The following ARHGEF10L variants were observed in gnomAD, a reference collection of about 807,000 sequenced individuals.
ARHGEF10L encodes Rho guanine nucleotide exchange factor 10 like.
A neutral mutation model predicts 141.2 loss-of-function variants in ARHGEF10L; 69 were observed. The ratio of observed to expected loss-of-function variants is 0.49; its 90% confidence interval spans 0.40 to 0.60. The LOEUF (loss-of-function observed/expected upper bound fraction) is 0.60, where lower values mean the gene tolerates loss of function less well. ARHGEF10L is among the 20% of genes least tolerant of loss of function. The pLI is 0.00. For synonymous variants in ARHGEF10L, 711 were observed against 718.5 expected, an observed-to-expected ratio of 0.99 and a Z score of 0.17; for missense variants, 1,482 against 1,734.3, an observed-to-expected ratio of 0.85 and a Z score of 2.58.
chr1:17,522,875 A>G, the ARHGEF10L span, among the ~76,000 whole-genome samples: 7 of 152,064 alleles, frequency 4.6e-5, no homozygotes, highest in Admixed American at 4.6e-4. Flanking sequence ...AGAGATTCTT[A>G]AGTTGATCCC....
intron 26 of ARHGEF10L, among the ~76,000 whole-genome samples, chr1:17,685,356 G>A (rs1290125701): frequency 3.9e-5 from 6 of 152,142 alleles, no homozygotes; most frequent in Non-Finnish European, 7.3e-5. Flanking sequence ...TCCCATTGCT[G>A]TGCCCCCCAC....
At chr1:17,665,167 C>T (rs2062894182) in intron 26 of ARHGEF10L, among the ~76,000 whole-genome samples, 1 of 152,226 alleles carries the variant, frequency 6.6e-6, no homozygotes, top group Admixed American at 6.5e-5. Context: ...GGGCGGGAGA[C>T]TCAGCATGGT....
intron 21 of ARHGEF10L, 97 bp downstream of exon 21, chr1:17,640,399 C>CG (rs1254876945): frequency 3.8e-6 from 4 of 1,048,864 alleles, no homozygotes; most frequent in East Asian, 5.6e-5. Flanking sequence ...TCGGGGTCAG[C>CG]GGGGGGCAGG....
At chr1:17,523,595 C>T in the ARHGEF10L span, among the ~76,000 whole-genome samples, 1 of 152,316 alleles carries the variant, frequency 6.6e-6, no homozygotes, top group Non-Finnish European at 1.5e-5. Context: ...TGAAAGCGCA[C>T]TTCACCCAAA....
intron 21 of ARHGEF10L, 107 bp from the exon 22 acceptor site, chr1:17,648,447 A>G (rs1200193104): frequency 1.4e-6 from 2 of 1,425,560 alleles, no homozygotes; most frequent in South Asian, 1.3e-5. Context: ...GGATGGGGCC[A>G]GGCTTCTGGG....
At chr1:17,520,261 G>A in the ARHGEF10L span, among the ~76,000 whole-genome samples, 870 of 152,214 alleles carry the variant, frequency 5.7e-3, 6 homozygotes, top group Non-Finnish European at 7.9e-3. Context: ...GCCCTTGCCC[G>A]CCCAGCAGGT....
intron 1 of ARHGEF10L, among the ~76,000 whole-genome samples, chr1:17,576,619 T>C (rs985682045): frequency 6.6e-6 from 1 of 152,110 alleles, no homozygotes; most frequent in African/African-American, 2.4e-5. Context: ...AAGCATAGCC[T>C]GGATAGGGTC....
At chr1:17,592,013 A>C (rs2079584469) in intron 4 of ARHGEF10L, among the ~76,000 whole-genome samples, 1 of 152,202 alleles carries the variant, frequency 6.6e-6, no homozygotes, top group Admixed American at 6.5e-5. Flanking sequence ...CTGCCCTCAA[A>C]GCTGTCTACT....
chr1:17,531,565 G>A, the ARHGEF10L span, among the ~76,000 whole-genome samples: 5 of 152,312 alleles, frequency 3.3e-5, no homozygotes, highest in South Asian at 6.2e-4. Context: ...TATTCATAAA[G>A]CAGGATAGAG....
At chr1:17,609,262 G>A (rs2059419157) in intron 7 of ARHGEF10L, among the ~76,000 whole-genome samples, 1 of 152,208 alleles carries the variant, frequency 6.6e-6, no homozygotes, top group African/African-American at 2.4e-5. Flanking sequence ...GAGTCCTCAG[G>A]CAGCCATTCC....
intron 1 of ARHGEF10L, among the ~76,000 whole-genome samples, chr1:17,565,135 C>G (rs1298435513): frequency 2.6e-5 from 4 of 152,194 alleles, no homozygotes; most frequent in Non-Finnish European, 5.9e-5. Flanking sequence ...ATAGATGGTA[C>G]CTTCTCACTG....
intron 4 of ARHGEF10L, among the ~76,000 whole-genome samples, chr1:17,598,557 C>T (rs537485366): frequency 1.1e-4 from 16 of 152,126 alleles, no homozygotes; most frequent in Non-Finnish European, 1.6e-4. Context: ...TCTCTAGGGC[C>T]TCTTTTATAT....
chr1:17,518,531 C>G, the ARHGEF10L span, among the ~76,000 whole-genome samples: 5 of 152,158 alleles, frequency 3.3e-5, no homozygotes, highest in African/African-American at 1.2e-4. Context: ...GTGGCTCAAG[C>G]CTATAATCCC....
chr1:17,580,852 C>G (rs2078482985), intron 2 of ARHGEF10L, among the ~76,000 whole-genome samples: 1 of 152,148 alleles, frequency 6.6e-6, no homozygotes, highest in Non-Finnish European at 1.5e-5. Flanking sequence ...AGGGTCAATC[C>G]TTTTCCTGTC....
At chr1:17,524,354 AC>A in the ARHGEF10L span, among the ~76,000 whole-genome samples, 4 of 132,658 alleles carry the variant, frequency 3.0e-5, no homozygotes, top group Non-Finnish European at 6.4e-5. Context: ...ACATAATAAA[AC>A]CCCGTCTCTA....
At position 17,619,117 on chromosome 1, in the gene ARHGEF10L, G is replaced by A; in HGVS notation, c.836-222G>A. On this transcript the variant is annotated intron_variant, in intron 9 of 28. Transcript: ENST00000361221. This position sits in a 1 kb window ranked among gnomAD's most constrained non-coding sequence, Gnocchi z 5.0. ...TGCCTGTTCACCCTCTCGCTCACTT[G>A]CTCACAATTATTCACTGATGGAATG... Among the ~76,000 whole-genome samples the A allele has an allele frequency of 6.6e-6, 1 of 152,066 alleles. No individual in the cohort carries two copies. Among genetic ancestry groups the A allele is most frequent in the Middle Eastern group, 3.2e-3 (1 of 316 alleles).
intron 1 of ARHGEF10L, among the ~76,000 whole-genome samples, chr1:17,568,418 C>T (rs2257032): frequency 0.095 from 14,424 of 152,090 alleles, 746 homozygotes; most frequent in African/African-American, 0.12. Context: ...CAGCTGGGAT[C>T]GAGCACAGAG....
the ARHGEF10L span, among the ~76,000 whole-genome samples, chr1:17,533,642 G>A: frequency 4.2e-4 from 64 of 152,160 alleles, 1 homozygote; most frequent in Non-Finnish European, 2.2e-4. Flanking sequence ...CCAGATGCAG[G>A]TCTTGGGTTA....
chr1:17,668,795 G>A (rs1290590795), intron 26 of ARHGEF10L, among the ~76,000 whole-genome samples: 19 of 150,892 alleles, frequency 1.3e-4, no homozygotes, highest in Admixed American at 1.2e-3. Context: ...CAAGGTGATC[G>A]CTATGCGTAT....
Sources: gnomAD v4.1 joint callset for allele counts (sites outside exome capture counted in the v4.1 genomes callset) on GRCh38, gnomAD v4.1.1 for gene constraint, Gnocchi (gnomAD v3.1) non-coding constraint, MANE v1.5 for transcripts, NCBI Gene and HGNC (gene_info 2026-07-23, HGNC 2026-07-21) for gene names.